Variants in SSTR5 observed in about 807,000 individuals in gnomAD.
SSTR5 encodes the protein somatostatin receptor 5.
SSTR5 carries 1 observed loss-of-function variant against 0.3 expected under a neutral mutation model. The observed-to-expected ratio is 2.98, with a 90% CI of 1.06 to 14.15. The LOEUF is 14.15. Among genes scored for constraint, SSTR5 ranks in the 30% most tolerant of loss-of-function variants. The pLI is 0.12. For missense variants in SSTR5, 516 were observed against 543.2 expected, an observed-to-expected ratio of 0.95 and a Z score of 0.50; for synonymous variants, 256 against 263.1, an observed-to-expected ratio of 0.97 and a Z score of 0.26.
chr16:1,079,278 G>C lies in SSTR5; in HGVS notation c.410G>C (p.Arg137Pro). ...VFCLTVMSVD[R>P]YLAVVHPLSS... The stretch of plus-strand genomic sequence containing the variant: ...TGCCTGACAGTCATGAGCGTGGACC[G>C]CTACCTGGCAGTGGTGCACCCGCTG... Residue 137 changes from arginine to proline, a missense_variant, in exon 2 of 2, where the codon CGC (arginine) becomes CCC (proline). Arg to Pro is a moderately radical substitution (Grantham distance 103). Coordinates refer to ENST00000689027, the MANE Select transcript of SSTR5 (RefSeq NM_001172560.3). The C allele has an allele frequency of 1.2e-6, 2 of 1,611,872 alleles. No homozygotes were observed. Among genetic ancestry groups the C allele is most frequent in the Non-Finnish European group, 1.7e-6 (2 of 1,179,662 alleles).
In SSTR5 at chr16:1,079,229, G is replaced by T. The variant is rs753466942; in HGVS notation, c.361G>T (p.Val121Phe). 1.2e-6 allele frequency: 2 copies of T among 1,612,462 alleles called. No individual in the cohort carries two copies. The highest frequency in any genetic ancestry group is 3.3e-5 in the Admixed American group (2 of 60,030). The change falls in exon 2 of 2, where the codon GTC becomes TTC. Residue 121 changes from valine to phenylalanine, a missense_variant. Val to Phe is a conservative substitution (Grantham distance 50). Transcript: ENST00000689027. ...LCRLVMTLDG[V>F]NQFTSVFCLT... is the part of the protein sequence containing the mutation. The stretch of plus-strand genomic sequence containing the variant: ...CCGCCTGGTCATGACGCTGGACGGC[G>T]TCAACCAGTTCACCAGTGTCTTCTG...
In SSTR5 at chr16:1,080,427, G is replaced by A. The variant is rs1187256878; in HGVS notation, c.*464G>A. On this transcript the variant is annotated 3_prime_UTR_variant, in exon 2 of 2. Coordinates refer to ENST00000689027, the MANE Select transcript of SSTR5 (RefSeq NM_001172560.3). The stretch of plus-strand genomic sequence containing the variant: ...CTGCTCTGCTAAGTTAAAGACACCC[G>A]AAAGCGCTTGACTCAGGTCCCCGGA... Among the ~76,000 whole-genome samples, 4 of 152,234 alleles carry A rather than the reference G, an allele frequency of 2.6e-5. No homozygotes were observed. Among genetic ancestry groups the A allele is most frequent in the South Asian group, 2.1e-4 (1 of 4,830 alleles).
chr16:1,075,285 C>A (rs1040543576), intron 1 of SSTR5, among the ~76,000 whole-genome samples: 1 of 152,156 alleles, frequency 6.6e-6, no homozygotes, highest in South Asian at 2.1e-4. Flanking sequence ...GCCTGTGGAG[C>A]CCCTCGCTGG....
chr16:1,077,013 G>C (rs1302296211), intron 1 of SSTR5, among the ~76,000 whole-genome samples: 1 of 152,132 alleles, frequency 6.6e-6, no homozygotes, highest in Non-Finnish European at 1.5e-5. Flanking sequence ...TTGATTTCTA[G>C]GTTTGTTGGG....
chr16:1,079,888 C>CCGG lies in SSTR5; in HGVS notation c.1022_1024dup (p.Arg341dup). ...CCACGGAGCCGCGTCCAGACAGGAT[C>CCGG]CGGCAGCAGCAGGAGGCCACGCCAC... On this transcript the variant is annotated inframe_insertion, in exon 2 of 2. Transcript: ENST00000689027. The CCGG allele has an allele frequency of 6.2e-7, 1 of 1,609,278 alleles. No individual in the cohort carries two copies. Among genetic ancestry groups the CCGG allele is most frequent in the Non-Finnish European group, 8.5e-7 (1 of 1,178,732 alleles).
At chr16:1,073,860 CGCCTG>C (rs1254189752) in intron 1 of SSTR5, among the ~76,000 whole-genome samples, 1 of 152,226 alleles carries the variant, frequency 6.6e-6, no homozygotes, top group African/African-American at 2.4e-5. Context: ...CAAGGACAGG[CGCCTG>C]GCGTTGATTT....
chr16:1,076,326 C>T (rs1373262980), intron 1 of SSTR5, among the ~76,000 whole-genome samples: 1 of 6,338 alleles, frequency 1.6e-4, no homozygotes, highest in African/African-American at 1.6e-3. Context: ...TTTCTTTCTC[C>T]CTCCCCACCT....
chr16:1,078,602 T>G (rs1227154611), intron 1 of SSTR5: 1 of 556,596 alleles, frequency 1.8e-6, no homozygotes, highest in African/African-American at 1.9e-5. Flanking sequence ...TGTCGCCATA[T>G]CGACAGCAGC....
Position 1,079,380 on chromosome 16 carries a change from C to T in SSTR5, c.512C>T (p.Ser171Leu), listed in dbSNP as rs1487339315. 3.1e-6 allele frequency: 5 copies of T among 1,596,056 alleles called. No homozygotes were observed. Among genetic ancestry groups the T allele is most frequent in the East Asian group, 2.3e-5 (1 of 44,402 alleles). The change falls in exon 2 of 2, where the codon TCG becomes TTG. Residue 171 changes from serine (S) to leucine (L), a missense_variant. Transcript: ENST00000689027. Reference protein sequence around the residue: ...AAAWVLSLCMSLPLLVFADVQ... With the variant: ...AAAWVLSLCMLLPLLVFADVQ... Reference sequence around the variant, plus strand: ...GCCTGGGTCCTGTCTCTGTGCATGTCGCTGCCGCTCCTGGTGTTCGCGGAC... The same window carrying T: ...GCCTGGGTCCTGTCTCTGTGCATGTTGCTGCCGCTCCTGGTGTTCGCGGAC...
rs1321028328 is a variant in SSTR5 at position 1,080,675 on chromosome 16, G to A, written c.*712G>A. On this transcript the variant is annotated 3_prime_UTR_variant, in exon 2 of 2. Coordinates refer to ENST00000689027, the MANE Select transcript of SSTR5 (RefSeq NM_001172560.3). The stretch of plus-strand genomic sequence containing the variant: ...CTTGGGCGCTGGCCTAGCCAGGGGC[G>A]AGGTGGGGAGGCGGCTGGTGCAGAG... Among the ~76,000 whole-genome samples the A allele has an allele frequency of 1.3e-5, 2 of 152,208 alleles. No homozygotes were observed. The highest frequency in any genetic ancestry group is 2.9e-5 in the Non-Finnish European group (2 of 68,022).
At chr16:1,074,870 T>C (rs1030360758) in intron 1 of SSTR5, among the ~76,000 whole-genome samples, 1 of 152,174 alleles carries the variant, frequency 6.6e-6, no homozygotes, top group Non-Finnish European at 1.5e-5. Flanking sequence ...TCAGCAACCC[T>C]ACAGTTTGCA....
intron 1 of SSTR5, among the ~76,000 whole-genome samples, chr16:1,077,089 T>C (rs989509676): frequency 6.6e-6 from 1 of 152,198 alleles, no homozygotes; most frequent in Admixed American, 6.5e-5. Context: ...CAGCTCTCCT[T>C]TCCTTGTCTA....
In SSTR5 at chr16:1,079,027, C is replaced by T. The variant is rs376300888; in HGVS notation, c.159C>T (p.Ala53=). The change falls in exon 2 of 2, where the codon GCC becomes GCT. Residue 53 remains alanine, a synonymous_variant. Coordinates refer to ENST00000689027, the MANE Select transcript of SSTR5 (RefSeq NM_001172560.3). The part of the protein sequence containing the change: ...VPVLYLLVCA[A]GLGGNTLVIY... ...TGCTGTACCTGCTGGTGTGTGCGGC[C>T]GGGCTGGGCGGGAACACGCTGGTCA... The T allele has an allele frequency of 1.2e-5, 20 of 1,607,632 alleles. No individual in the cohort carries two copies. The highest frequency in any genetic ancestry group is 1.1e-5 in the South Asian group (1 of 90,654).
intron 1 of SSTR5, 173 bp from the exon 2 acceptor site, chr16:1,078,669 T>C (rs1960266996): frequency 2.9e-6 from 2 of 679,064 alleles, no homozygotes; most frequent in Non-Finnish European, 4.9e-6. Flanking sequence ...CCTGGCTTAT[T>C]TTCCAAACAA....
chr16:1,080,283 T>C lies in SSTR5; in HGVS notation c.*320T>C. 1 of 370,010 alleles carries C rather than the reference T, an allele frequency of 2.7e-6. No individual in the cohort carries two copies. The highest frequency in any genetic ancestry group is 5.0e-6 in the Non-Finnish European group (1 of 198,258). The allele number at this position is 370,010 out of a possible 1,614,324, so 22.9% of individuals were successfully genotyped here. On this transcript the variant is annotated 3_prime_UTR_variant, in exon 2 of 2. Transcript: ENST00000689027. ...GGCCCCAGCCCATGCCGGCCTTCCC[T>C]CTGGGGAGCGACTTTTCCAGAAGGC...
chr16:1,079,659 T>A lies in SSTR5; in HGVS notation c.791T>A (p.Phe264Tyr). 1 of 1,612,586 alleles carries A rather than the reference T, an allele frequency of 6.2e-7. No individual in the cohort carries two copies. The highest frequency in any genetic ancestry group is 8.5e-7 in the Non-Finnish European group (1 of 1,179,692). ...VLVFAGCWLP[F>Y]FTVNIVNLAV... is the part of the protein sequence containing the mutation. The stretch of plus-strand genomic sequence containing the variant: ...GTGTTTGCGGGATGTTGGCTGCCCT[T>A]CTTCACCGTCAACATCGTCAACCTG... The change falls in exon 2 of 2, where the codon TTC becomes TAC. Residue 264 changes from phenylalanine to tyrosine, a missense_variant. Coordinates refer to ENST00000689027, the MANE Select transcript of SSTR5 (RefSeq NM_001172560.3).
chr16:1,081,097 C>A lies in SSTR5; in HGVS notation c.*1134C>A, dbSNP rs566928454. 1 of 470,426 alleles carries A rather than the reference C, an allele frequency of 2.1e-6. No homozygotes were observed. The allele number at this position is 470,426 out of a possible 1,614,324, so 29.1% of individuals were successfully genotyped here. ...CCACCTAGAATTGTCCTACCTCCCC[C>A]ACCCCAAACACCAGCTTTTCCTGGC... On this transcript the variant is annotated 3_prime_UTR_variant, in exon 2 of 2. Coordinates refer to ENST00000689027, the MANE Select transcript of SSTR5 (RefSeq NM_001172560.3).
rs1207845640 is a variant in SSTR5 at position 1,080,162 on chromosome 16, C to T, written c.*199C>T. 2 of 726,190 alleles carry T rather than the reference C, an allele frequency of 2.8e-6. No homozygotes were observed. The highest frequency in any genetic ancestry group is 2.9e-5 in the East Asian group (1 of 34,818). The allele number at this position is 726,190 out of a possible 1,614,324, so 45.0% of individuals were successfully genotyped here. ...GACCATCCCCTCTAACCGTCTGCCA[C>T]ACAGCGGGGGCTCCCGGGAGGTAGG... On this transcript the variant is annotated 3_prime_UTR_variant, in exon 2 of 2. Transcript: ENST00000689027.
intron 1 of SSTR5, chr16:1,073,680 C>G (rs1032619154): frequency 3.3e-5 from 5 of 152,452 alleles, no homozygotes; most frequent in Non-Finnish European, 5.9e-5. Context: ...ACCCGCTGTC[C>G]CCAGCCTGCC....
Sources: gnomAD v4.1 joint callset for allele counts (sites outside exome capture counted in the v4.1 genomes callset) on GRCh38, gnomAD v4.1.1 for gene constraint, MANE v1.5 for transcripts, NCBI Gene and HGNC (gene_info 2026-07-23, HGNC 2026-07-21) for gene names.